Variants in EPB41L3 observed in about 807,000 individuals in gnomAD.
EPB41L3 encodes band 4.1-like protein 3.
A neutral mutation model predicts 127.1 loss-of-function variants in EPB41L3; 57 were observed. That is an observed-to-expected ratio of 0.45 (90% CI 0.36 to 0.56). EPB41L3 has a LOEUF of 0.56. Ranked by LOEUF, EPB41L3 falls within the 20% of genes least tolerant of loss-of-function variation. EPB41L3 has a pLI of 0.00. For missense variants in EPB41L3, 1,273 were observed against 1,372.2 expected (o/e 0.93, Z 1.14); for synonymous variants, 572 against 549.5 (o/e 1.04, Z -0.57).
chr18:5,401,713 A>G (rs1025559708), intron 16 of EPB41L3, among the ~76,000 whole-genome samples: 2 of 152,182 alleles, frequency 1.3e-5, no homozygotes, highest in African/African-American at 4.8e-5. Flanking sequence ...ATACTTTAAC[A>G]TAAAAAATTA....
chr18:5,600,273 A>T (rs1264193329), intron 3 of EPB41L3, among the ~76,000 whole-genome samples: 1 of 152,164 alleles, frequency 6.6e-6, no homozygotes, highest in East Asian at 1.9e-4. Context: ...AGAAAATTGG[A>T]TCTAAATTCA....
chr18:5,549,250 C>T (rs531074722), upstream of EPB41L3, among the ~76,000 whole-genome samples: 2 of 152,328 alleles, frequency 1.3e-5, no homozygotes, highest in South Asian at 4.1e-4. Context: ...CCAACTGTCT[C>T]ACTGGCTTGC....
In EPB41L3 at chr18:5,481,803, G is replaced by A. The variant is rs114472888; in HGVS notation, c.184-3365C>T. On this transcript the variant is annotated intron_variant, in intron 2 of 22. Transcript: ENST00000341928. The stretch of plus-strand genomic sequence containing the variant: ...GGATAATCCCTCATTCAGGACAAGC[G>A]GCACTCCCATCGCTTACGAGAGCCA... Among the ~76,000 whole-genome samples the A allele has an allele frequency of 2.7e-3, 410 of 151,692 alleles. 3 individuals are homozygous for A. The highest frequency in any genetic ancestry group is 9.7e-3 in the African/African-American group (397 of 41,060).
chr18:5,415,245 A>G (rs374988596), intron 13 of EPB41L3, among the ~76,000 whole-genome samples: 9 of 152,326 alleles, frequency 5.9e-5, no homozygotes, highest in South Asian at 2.1e-4. Context: ...ACACAATACA[A>G]TGCGGGATCT....
chr18:5,530,620 G>A (rs2093379966), intron 1 of EPB41L3, among the ~76,000 whole-genome samples: 1 of 151,962 alleles, frequency 6.6e-6, no homozygotes, highest in Non-Finnish European at 1.5e-5. Context: ...CCTGGCCTCT[G>A]TACACGCTGG....
chr18:5,622,720 C>T (rs181563776), intron 1 of EPB41L3, among the ~76,000 whole-genome samples: 48 of 152,242 alleles, frequency 3.2e-4, no homozygotes, highest in African/African-American at 1.0e-3. Flanking sequence ...TTAAATTGGA[C>T]CTCTAGCTTC....
rs2073762319 is a variant in EPB41L3 at position 5,397,500 on chromosome 18, CT to C, written c.2473-75del. On this transcript the variant is annotated intron_variant, in intron 17 of 22. Transcript: ENST00000341928. The surrounding 1 kb of genome is among the most constrained non-coding windows in gnomAD (Gnocchi z 4.1). ...GGTCAGAAAATAACTAAAGCTGCCA[CT>C]CGCCAGGATGTCTAAAGCCAGCAGC... 1.9e-5 allele frequency: 28 copies of C among 1,498,442 alleles called. No homozygotes were observed. Among genetic ancestry groups the C allele is most frequent in the Non-Finnish European group, 2.2e-5 (25 of 1,123,968 alleles). 92.8% of individuals were successfully genotyped at this position (1,498,442 alleles called of 1,614,324 possible). A position where few individuals can be genotyped will look rare whatever the true frequency, so the allele number is the denominator to read the frequency against.
At chr18:5,612,514 T>C (rs1013345053) in intron 2 of EPB41L3, 1 of 152,238 alleles carries the variant, frequency 6.6e-6, no homozygotes, top group African/African-American at 2.4e-5. Context: ...AGCATTTTGT[T>C]TCTTAACCTA....
chr18:5,487,064 T>C (rs2089869426), intron 2 of EPB41L3, among the ~76,000 whole-genome samples: 2 of 152,194 alleles, frequency 1.3e-5, no homozygotes, highest in South Asian at 4.1e-4. Context: ...AGCCAAAATA[T>C]GAAATCAACC....
intron 3 of EPB41L3, among the ~76,000 whole-genome samples, chr18:5,477,186 T>C (rs2087414975): frequency 6.6e-6 from 1 of 151,756 alleles, no homozygotes; most frequent in African/African-American, 2.4e-5. Flanking sequence ...GATATGGGGG[T>C]TGGGAGACAG....
rs1193209017 is a variant in EPB41L3, at chr18:5,561,098, C to T, written c.-306+51242G>A. Among the ~76,000 whole-genome samples the T allele has an allele frequency of 5.4e-5, 8 of 148,850 alleles. No individual in the cohort carries two copies. In the South Asian group the frequency reaches 1.3e-3, roughly 24 times the overall value. On this transcript the variant is annotated intron_variant, in intron 3 of 21. Coordinates refer to the EPB41L3 transcript ENST00000545076. ...GTTCACGCCATTCTCCTGCCTCAGC[C>T]TCCCGAGTAGCTGGGACTACAGGCG... is the stretch of plus-strand genomic sequence containing the variant.
chr18:5,489,325 T>G, intron 1 of EPB41L3, 131 bp from the exon 2 acceptor site: 1 of 1,006,274 alleles, frequency 9.9e-7, no homozygotes, highest in Non-Finnish European at 1.4e-6. Flanking sequence ...CCCCATCCTA[T>G]TCCACACACT....
chr18:5,577,502 A>G (rs986235551), intron 3 of EPB41L3: 1 of 328,212 alleles, frequency 3.0e-6, no homozygotes, highest in South Asian at 2.4e-5. Flanking sequence ...ATTGCTTTCT[A>G]TCACATCCAG....
Position 5,559,081 on chromosome 18 carries a change from T to C in EPB41L3, c.-306+53259A>G, listed in dbSNP as rs545363926. Reference sequence around the variant, plus strand: ...AAAAGAATAATTTGGCATGTGCTCCTTATAAAGATGAATAAACAATTTTTT... The same window carrying C: ...AAAAGAATAATTTGGCATGTGCTCCCTATAAAGATGAATAAACAATTTTTT... On this transcript the variant is annotated intron_variant, in intron 3 of 21. Transcript: ENST00000545076. Among the ~76,000 whole-genome samples the C allele has an allele frequency of 1.1e-4, 16 of 151,188 alleles. 1 individual carries two copies. Among genetic ancestry groups the C allele is most frequent in the South Asian group, 6.3e-4 (3 of 4,790 alleles).
intron 1 of EPB41L3, among the ~76,000 whole-genome samples, chr18:5,616,896 T>A (rs1442703248): frequency 6.6e-6 from 1 of 152,218 alleles, no homozygotes; most frequent in East Asian, 1.9e-4. Flanking sequence ...TCCATAGACA[T>A]TTGTGTTGTT....
At chr18:5,612,777 G>A (rs572449253) in intron 2 of EPB41L3, among the ~76,000 whole-genome samples, 18 of 152,302 alleles carry the variant, frequency 1.2e-4, no homozygotes, top group Admixed American at 1.2e-3. Context: ...GTCTCATTCT[G>A]TTGCCCAGAC....
At chr18:5,403,852 C>T (rs1397122166) in intron 16 of EPB41L3, among the ~76,000 whole-genome samples, 4 of 151,888 alleles carry the variant, frequency 2.6e-5, no homozygotes, top group African/African-American at 9.7e-5. Flanking sequence ...ATATCCCCTC[C>T]AAAATAAAAA....
chr18:5,484,199 A>G (rs2089286188), intron 2 of EPB41L3, among the ~76,000 whole-genome samples: 1 of 151,276 alleles, frequency 6.6e-6, no homozygotes, highest in Non-Finnish European at 1.5e-5. Flanking sequence ...GGAACCTCAG[A>G]AAATACACAA....
intron 3 of EPB41L3, among the ~76,000 whole-genome samples, chr18:5,585,174 A>C (rs16948465): frequency 5.3e-5 from 8 of 152,018 alleles, no homozygotes; most frequent in Non-Finnish European, 2.9e-5. Flanking sequence ...TCTGATTGGA[A>C]TCTGTGTTTC....
Sources: allele counts gnomAD v4.1 joint callset (sites outside exome capture counted in the v4.1 genomes callset), GRCh38; gene constraint gnomAD v4.1.1; non-coding constraint Gnocchi (gnomAD v3.1); transcripts MANE v1.5; gene names NCBI Gene and HGNC (gene_info 2026-07-23, HGNC 2026-07-21).